Variants in TTN observed in about 807,000 individuals in gnomAD.
TTN encodes the protein connectin.
A neutral mutation model predicts 3,223.0 loss-of-function variants in TTN; 1,525 were observed. The observed-to-expected ratio is 0.47, with a 90% CI of 0.45 to 0.49. The LOEUF (loss-of-function observed/expected upper bound fraction) is 0.49, where lower values mean the gene tolerates loss of function less well. Among genes scored for constraint, TTN ranks in the 20% least tolerant of loss-of-function variants. The pLI is 0.00. For synonymous variants in TTN, 14,094 were observed against 15,161.0 expected (o/e 0.93, Z 5.17); for missense variants, 40,786 against 43,424.0 (o/e 0.94, Z 5.40).
chr2:178,599,188 C>T lies in TTN; in HGVS notation c.56605G>A (p.Glu18869Lys). ...GTTTCAGGTTCACTGTCAAGAGGTT[C>T]TCCAATGCCATATTTATTCTGGGCC... Reference protein sequence around the residue: ...IMAQNKYGIGEPLDSEPETAR... With the variant: ...IMAQNKYGIGKPLDSEPETAR... The change falls in exon 290 of 363, where the codon GAA becomes AAA. Residue 18869 changes from glutamate to lysine, a missense_variant. Coordinates refer to ENST00000589042, the MANE Select transcript of TTN (RefSeq NM_001267550.2). 5 of 1,510,892 alleles carry T rather than the reference C, an allele frequency of 3.3e-6. No homozygotes were observed. Among genetic ancestry groups the T allele is most frequent in the South Asian group, 1.4e-5 (1 of 69,922 alleles). 93.6% of individuals were successfully genotyped at this position (1,510,892 alleles called of 1,614,324 possible).
chr2:178,567,494 A>G lies in TTN; in HGVS notation c.78638T>C (p.Leu26213Pro), dbSNP rs2154166338. ...IVVNAGETFRLEADVHGKPLP... is the reference protein window; with the variant it reads ...IVVNAGETFRPEADVHGKPLP... ...GGGCTTTCCATGGACATCAGCCTCA[A>G]GTCTGAATGTTTCTCCAGCATTTAC... The change falls in exon 326 of 363, where the codon CTT becomes CCT. Residue 26213 changes from leucine to proline, a missense_variant. Leu to Pro is a moderately conservative substitution (Grantham distance 98). Transcript: ENST00000589042. The G allele has an allele frequency of 1.2e-6, 2 of 1,613,104 alleles. No homozygotes were observed. The highest frequency in any genetic ancestry group is 4.5e-5 in the East Asian group (2 of 44,782).
chr2:178,526,909 C>T lies in TTN; in HGVS notation c.*103G>A. 1 of 1,123,108 alleles carries T rather than the reference C, an allele frequency of 8.9e-7. No individual in the cohort carries two copies. The highest frequency in any genetic ancestry group is 2.8e-5 in the East Asian group (1 of 35,882). 69.6% of individuals were successfully genotyped at this position (1,123,108 alleles called of 1,614,324 possible). On this transcript the variant is annotated 3_prime_UTR_variant, in exon 363 of 363. Transcript: ENST00000589042. ...TTGACTCATTTAGGTTGATACAAAACTACTTTTTTTTCTTTAAATATTTAC... is the reference window on the plus strand; with the variant it reads ...TTGACTCATTTAGGTTGATACAAAATTACTTTTTTTTCTTTAAATATTTAC...
intron 111 of TTN, 42 bp downstream of exon 111, chr2:178,701,078 T>A (rs766028303): frequency 1.1e-5 from 18 of 1,594,894 alleles, no homozygotes; most frequent in Non-Finnish European, 1.5e-5. Flanking sequence ...GTCAGCAGAG[T>A]GAAATTCTTA....
At position 178,535,369 on chromosome 2, in the gene TTN, A is replaced by G; in HGVS notation, c.101246T>C (p.Val33749Ala). Residue 33749 changes from valine (V) to alanine (A), a missense_variant, in exon 358 of 363, where the codon GTG becomes GCG. Physicochemically the swap from Val to Ala is moderately conservative, Grantham distance 64 (BLOSUM62 0). Coordinates refer to ENST00000589042, the MANE Select transcript of TTN (RefSeq NM_001267550.2). ...VGQARETRYTVINLFGKTSYQ... is the reference protein window; with the variant it reads ...VGQARETRYTAINLFGKTSYQ... ...ACTTGTTTTTCCAAATAAGTTGATCACGGTATAACGTGTTTCTCGGGCCTG... is the reference window on the plus strand; with the variant it reads ...ACTTGTTTTTCCAAATAAGTTGATCGCGGTATAACGTGTTTCTCGGGCCTG... 6.2e-7 allele frequency: 1 copy of G among 1,613,938 alleles called. No homozygotes were observed. The highest frequency in any genetic ancestry group is 8.5e-7 in the Non-Finnish European group (1 of 1,179,848).
intron 150 of TTN, 132 bp downstream of exon 150, chr2:178,674,892 CAATTTCTATTAGGTT>C: frequency 2.3e-6 from 1 of 439,492 alleles, no homozygotes; most frequent in South Asian, 5.3e-5. Flanking sequence ...TTTGCCTGCC[CAATTTCTATTAGGTT>C]AATAATAATT....
At chr2:178,697,319 A>G (rs2073918865) in intron 112 of TTN, among the ~76,000 whole-genome samples, 151 bp from the exon 113 acceptor site, 1 of 152,118 alleles carries the variant, frequency 6.6e-6, no homozygotes, top group Non-Finnish European at 1.5e-5. Context: ...TAATGCTTCT[A>G]TAATTTCCAA....
chr2:178,541,809 G>A (rs1694670970), intron 349 of TTN: 2 of 249,362 alleles, frequency 8.0e-6, no homozygotes, highest in Admixed American at 5.4e-5. Context: ...AGCTTCAGGG[G>A]TACATGTGCA....
At position 178,590,277 on chromosome 2, in the gene TTN, C is replaced by T. The variant is rs748693257; in HGVS notation, c.61448G>A (p.Arg20483His). 38 of 1,572,626 alleles carry T rather than the reference C, an allele frequency of 2.4e-5. No homozygotes were observed. Among genetic ancestry groups the T allele is most frequent in the East Asian group, 6.7e-5 (3 of 44,466 alleles). The change falls in exon 304 of 363, where the codon CGT becomes CAT. Residue 20483 changes from arginine (R) to histidine (H), a missense_variant. Transcript: ENST00000589042. ...PPEVELDVTC[R>H]DVITVRVGQT... is the part of the protein sequence containing the mutation. Reference sequence around the variant, plus strand: ...GCCTACTCTCACGGTAATAACATCACGACAAGTAACATCAAGTTCTACTTC... The same window carrying T: ...GCCTACTCTCACGGTAATAACATCATGACAAGTAACATCAAGTTCTACTTC...
In TTN at chr2:178,756,349, T is replaced by C; in HGVS notation, c.11127A>G (p.Ser3709=). Residue 3709 remains serine, a synonymous_variant, in exon 46 of 363, where the codon TCA becomes TCG. Transcript: ENST00000589042. The stretch of plus-strand genomic sequence containing the variant: ...TAAGAAACTGAATATTTCCATTTTG[T>C]GATTGTTTCAGTCTCTCGGATTCCT... ...KIEESERLKQ[S]QNGNIQFLTI... 3 of 1,613,918 alleles carry C rather than the reference T, an allele frequency of 1.9e-6. No individual in the cohort carries two copies. The highest frequency in any genetic ancestry group is 2.5e-6 in the Non-Finnish European group (3 of 1,179,818).
chr2:178,548,415 T>C lies in TTN; in HGVS notation c.93211A>G (p.Thr31071Ala), dbSNP rs1321544592. The C allele has an allele frequency of 6.2e-7, 1 of 1,613,780 alleles. No homozygotes were observed. Among genetic ancestry groups the C allele is most frequent in the Non-Finnish European group, 8.5e-7 (1 of 1,179,792 alleles). Residue 31071 changes from threonine (T) to alanine (A), a missense_variant, in exon 339 of 363, where the codon ACT becomes GCT. Coordinates refer to ENST00000589042, the MANE Select transcript of TTN (RefSeq NM_001267550.2). The surrounding 1 kb of genome is among the most constrained non-coding windows in gnomAD (Gnocchi z 4.3). The part of the protein sequence containing the change: ...RSWQVISEKC[T>A]RQIFKVNDLA... ...TCATTGACCTTGAAGATCTGACGAG[T>C]GCATTTTTCACTGATAACCTGCCAA...
At chr2:178,637,148 T>TAG (rs1284712151) in intron 224 of TTN, among the ~76,000 whole-genome samples, 99 of 43,962 alleles carry the variant, frequency 2.3e-3, no homozygotes, top group African/African-American at 0.01. Context: ...TATAGTTGGA[T>TAG]ATATATATAT....
Position 178,689,389 on chromosome 2 carries a change from T to A in TTN, c.31928-16A>T, listed in dbSNP as rs1259739243. 5.0e-6 allele frequency: 8 copies of A among 1,613,048 alleles called. No homozygotes were observed. The highest frequency in any genetic ancestry group is 6.8e-6 in the Non-Finnish European group (8 of 1,179,606). On this transcript the variant is annotated splice_polypyrimidine_tract_variant and intron_variant, in intron 123 of 362. Transcript: ENST00000589042. ...ATTTCTGGCACTTAAAGGATAGTATTGAATTTTAAAATTTGTCAAAAAGGC... is the reference window on the plus strand; with the variant it reads ...ATTTCTGGCACTTAAAGGATAGTATAGAATTTTAAAATTTGTCAAAAAGGC...
rs778195959 is a variant in TTN, at chr2:178,587,223, G to A, written c.63988C>T (p.Leu21330Phe). 9 of 1,613,254 alleles carry A rather than the reference G, an allele frequency of 5.6e-6. No individual in the cohort carries two copies. The highest frequency in any genetic ancestry group is 7.6e-6 in the Non-Finnish European group (9 of 1,179,478). Residue 21330 changes from leucine (L) to phenylalanine (F), a missense_variant, in exon 307 of 363, where the codon CTT becomes TTT. Coordinates refer to ENST00000589042, the MANE Select transcript of TTN (RefSeq NM_001267550.2). Reference sequence around the variant, plus strand: ...AAGTAATACTCATTCCCAGGGACAAGATTGGTTACATGGAAGCTTGTTTTC... The same window carrying A: ...AAGTAATACTCATTCCCAGGGACAAAATTGGTTACATGGAAGCTTGTTTTC... The part of the protein sequence containing the change: ...VKKTSFHVTN[L>F]VPGNEYYFRV...
intron 224 of TTN, among the ~76,000 whole-genome samples, chr2:178,637,146 G>GATATATATAT (rs61216469): frequency 0.023 from 1,149 of 49,034 alleles, 123 homozygotes; most frequent in Non-Finnish European, 0.033. Flanking sequence ...AATATAGTTG[G>GATATATATAT]ATATATATAT....
chr2:178,753,282 A>T, intron 46 of TTN, 102 bp from the exon 47 acceptor site: 2 of 919,574 alleles, frequency 2.2e-6, no homozygotes, highest in Non-Finnish European at 3.3e-6. Flanking sequence ...TTATTATAAC[A>T]ACAGAAAACT....
chr2:178,587,952 C>A lies in TTN; in HGVS notation c.63455G>T (p.Gly21152Val). 1.9e-6 allele frequency: 3 copies of A among 1,610,378 alleles called. No individual in the cohort carries two copies. Residue 21152 changes from glycine to valine, a missense_variant, in exon 305 of 363, where the codon GGT becomes GTT. Gly to Val is a moderately radical substitution (Grantham distance 109, BLOSUM62 -3). Transcript: ENST00000589042. Reference protein sequence around the residue: ...EFRVCAQNQVGIGRPAELKEA... With the variant: ...EFRVCAQNQVVIGRPAELKEA... Reference sequence around the variant, plus strand: ...CTTTAGCTCTGCAGGGCGCCCAATACCAACTTGGTTTTGGGCACACACCCT... The same window carrying A: ...CTTTAGCTCTGCAGGGCGCCCAATAACAACTTGGTTTTGGGCACACACCCT...
chr2:178,626,018 A>G (rs1035287800), intron 240 of TTN, among the ~76,000 whole-genome samples: 1 of 151,910 alleles, frequency 6.6e-6, no homozygotes, highest in African/African-American at 2.4e-5. Flanking sequence ...GTATATGTGT[A>G]TATATATGTG....
rs59989386 is a variant in TTN at position 178,699,383 on chromosome 2, C to CTTTTTTTTTTTTTTTTTT, written c.30683-487_30683-470dup. 8.9e-5 allele frequency among the ~76,000 whole-genome samples: 4 copies of CTTTTTTTTTTTTTTTTTT among 44,856 alleles called. 1 individual carries two copies. The highest frequency in any genetic ancestry group is 8.7e-5 in the Non-Finnish European group (2 of 22,888). The allele number at this position is 44,856 out of a possible 152,430, so 29.4% of individuals were successfully genotyped here. A position where few individuals can be genotyped will look rare whatever the true frequency, so the allele number is the denominator to read the frequency against. ...TTTGTATTCATGAATAAATAACACT[C>CTTTTTTTTTTTTTTTTTT]TTTTTTTTTTTTTTTTTTTTTTTTT... On this transcript the variant is annotated intron_variant, in intron 111 of 362. Coordinates refer to ENST00000589042, the MANE Select transcript of TTN (RefSeq NM_001267550.2).
chr2:178,782,177 G>T, intron 20 of TTN, 35 bp downstream of exon 20: 1 of 1,611,342 alleles, frequency 6.2e-7, no homozygotes, highest in Non-Finnish European at 8.5e-7. Context: ...TATTATACAA[G>T]TCACAGAGAA....
Sources: gnomAD v4.1 joint callset for allele counts (sites outside exome capture counted in the v4.1 genomes callset) on GRCh38, gnomAD v4.1.1 for gene constraint, Gnocchi (gnomAD v3.1) non-coding constraint, MANE v1.5 for transcripts, NCBI Gene and HGNC (gene_info 2026-07-23, HGNC 2026-07-21) for gene names.